ARHGAP42: variants seen among roughly 807,000 people sequenced by gnomAD.
ARHGAP42 encodes rho GTPase-activating protein 42.
A neutral mutation model predicts 125.0 loss-of-function variants in ARHGAP42; 63 were observed. The ratio of observed to expected loss-of-function variants is 0.50; its 90% confidence interval spans 0.41 to 0.62. The LOEUF (loss-of-function observed/expected upper bound fraction) is 0.62, where lower values mean the gene tolerates loss of function less well. Ranked by LOEUF, ARHGAP42 falls within the 20% of genes least tolerant of loss-of-function variation. ARHGAP42 has a pLI of 0.00. For synonymous variants in ARHGAP42, 339 were observed against 351.0 expected (o/e 0.97, Z 0.38); for missense variants, 766 against 1,024.2 (o/e 0.75, Z 3.44).
At chr11:100,755,141 G>A (rs1038826966) in intron 1 of ARHGAP42, among the ~76,000 whole-genome samples, 2 of 152,192 alleles carry the variant, frequency 1.3e-5, no homozygotes, top group African/African-American at 4.8e-5. Flanking sequence ...ATATGCTACG[G>A]GTTAGTGATA....
chr11:100,984,856 TA>T (rs1858634380), intron 22 of ARHGAP42, among the ~76,000 whole-genome samples: 1 of 151,954 alleles, frequency 6.6e-6, no homozygotes, highest in Non-Finnish European at 1.5e-5. Context: ...ACCAAGACAG[TA>T]AAAGAGGAAG....
intron 1 of ARHGAP42, among the ~76,000 whole-genome samples, chr11:100,691,658 G>A (rs867208134): frequency 6.6e-6 from 1 of 152,116 alleles, no homozygotes; most frequent in Non-Finnish European, 1.5e-5. Flanking sequence ...TGGGACCATA[G>A]GAATGCACCA....
chr11:100,987,319 A>T (rs1357981029), intron 22 of ARHGAP42, among the ~76,000 whole-genome samples, 194 bp from the exon 23 acceptor site: 2 of 152,336 alleles, frequency 1.3e-5, no homozygotes, highest in East Asian at 3.9e-4. Flanking sequence ...GTGTGCTAGT[A>T]ATCCTTGATT....
intron 3 of ARHGAP42, among the ~76,000 whole-genome samples, chr11:100,814,282 G>A (rs1204219217): frequency 6.6e-6 from 1 of 151,236 alleles, no homozygotes; most frequent in Non-Finnish European, 1.5e-5. Flanking sequence ...ACTTGAATCT[G>A]GGAGGCAGAG....
intron 1 of ARHGAP42, chr11:100,738,549 A>C (rs1862114648): frequency 6.6e-6 from 1 of 152,224 alleles, no homozygotes; most frequent in Non-Finnish European, 1.5e-5. Flanking sequence ...TTGCAATTCC[A>C]TCAAAGCAGT....
chr11:100,777,525 G>A (rs1454223186), intron 2 of ARHGAP42, among the ~76,000 whole-genome samples: 2 of 152,172 alleles, frequency 1.3e-5, no homozygotes, highest in African/African-American at 4.8e-5. Context: ...AAATGGAAAG[G>A]TAATATTTGA....
intron 6 of ARHGAP42, among the ~76,000 whole-genome samples, chr11:100,925,504 G>A (rs1867394946): frequency 6.6e-6 from 1 of 151,852 alleles, no homozygotes; most frequent in Admixed American, 6.6e-5. Context: ...TTGGGAGGCT[G>A]AGGCAGGCAA....
At chr11:100,869,568 G>A (rs1347008489) in intron 4 of ARHGAP42, among the ~76,000 whole-genome samples, 1 of 152,068 alleles carries the variant, frequency 6.6e-6, no homozygotes, top group African/African-American at 2.4e-5. Context: ...ATGTTTCCAT[G>A]CCAGTCAATG....
At chr11:100,769,683 C>G (rs557703288) in intron 1 of ARHGAP42, among the ~76,000 whole-genome samples, 2 of 143,896 alleles carry the variant, frequency 1.4e-5, no homozygotes, top group African/African-American at 2.6e-5. Flanking sequence ...GCTTTTTTCC[C>G]GTCACCAGCA....
At chr11:100,974,350 T>C (rs780338911) in intron 18 of ARHGAP42, 109 bp from the exon 19 acceptor site, 1 of 997,740 alleles carries the variant, frequency 1.0e-6, no homozygotes, top group Non-Finnish European at 1.4e-6. Flanking sequence ...TGCTCTAGGA[T>C]ACTTATATTT....
At chr11:100,709,905 A>G (rs367897430) in intron 1 of ARHGAP42, among the ~76,000 whole-genome samples, 3 of 152,298 alleles carry the variant, frequency 2.0e-5, no homozygotes, top group South Asian at 2.1e-4. Context: ...CCTGCCTAAA[A>G]TCTGCATCCA....
chr11:100,990,757 C>G lies in ARHGAP42; in HGVS notation c.*1956C>G, dbSNP rs1858811422. The G allele has an allele frequency of 6.6e-6, 1 of 152,476 alleles. No homozygotes were observed. Among genetic ancestry groups the G allele is most frequent in the Non-Finnish European group, 1.5e-5 (1 of 68,002 alleles). 9.4% of individuals were successfully genotyped at this position (152,476 alleles called of 1,614,324 possible). A position where few individuals can be genotyped will look rare whatever the true frequency, so the allele number is the denominator to read the frequency against. On this transcript the variant is annotated 3_prime_UTR_variant, in exon 24 of 24. Coordinates refer to ENST00000298815, the MANE Select transcript of ARHGAP42 (RefSeq NM_152432.4). The stretch of plus-strand genomic sequence containing the variant: ...CCAGTCCCTTAGTCTATACAGCACC[C>G]TTGGTTTAAGCACACTTGCCATCAT...
chr11:100,970,991 G>A (rs1191660189), intron 17 of ARHGAP42, among the ~76,000 whole-genome samples: 1 of 152,004 alleles, frequency 6.6e-6, no homozygotes, highest in Non-Finnish European at 1.5e-5. Flanking sequence ...ATGAGATACT[G>A]CATCACTTGA....
intron 1 of ARHGAP42, among the ~76,000 whole-genome samples, chr11:100,739,181 G>C (rs1367309611): frequency 6.6e-6 from 1 of 151,690 alleles, no homozygotes; most frequent in Non-Finnish European, 1.5e-5. Context: ...AAATGAAGCA[G>C]TTTTGAGATT....
chr11:100,986,257 C>T (rs544879692), intron 22 of ARHGAP42: 92 of 349,044 alleles, frequency 2.6e-4, no homozygotes, highest in South Asian at 1.1e-3. Context: ...GCCTGACCTT[C>T]AGCAAAGTTC....
chr11:100,905,602 T>A (rs1866708206), intron 4 of ARHGAP42, among the ~76,000 whole-genome samples: 1 of 152,196 alleles, frequency 6.6e-6, no homozygotes, highest in South Asian at 2.1e-4. Context: ...TTGCCTAATT[T>A]TTTGTTTCTT....
Position 100,882,302 on chromosome 11 carries a change from AG to A in ARHGAP42, c.384+22681del, listed in dbSNP as rs549369911. 1.3e-3 allele frequency among the ~76,000 whole-genome samples: 198 copies of A among 152,272 alleles called. 2 individuals are homozygous for A. The highest frequency in any genetic ancestry group is 4.3e-3 in the African/African-American group (178 of 41,564). ...ATTTTGCTGAGAGTTTTAATCATAAAGGGGTGCTGGATTTTGTTGAATGGTT... is the reference window on the plus strand; with the variant it reads ...ATTTTGCTGAGAGTTTTAATCATAAAGGGTGCTGGATTTTGTTGAATGGTT... On this transcript the variant is annotated intron_variant, in intron 4 of 23. Transcript: ENST00000298815.
At chr11:100,965,189 T>G (rs2135305517) in intron 16 of ARHGAP42, among the ~76,000 whole-genome samples, 1 of 152,190 alleles carries the variant, frequency 6.6e-6, no homozygotes, top group African/African-American at 2.4e-5. Context: ...CACCTCCCAC[T>G]GGGTCCCTCC....
intron 1 of ARHGAP42, among the ~76,000 whole-genome samples, chr11:100,766,219 T>TG (rs761433473): frequency 8.6e-6 from 1 of 116,588 alleles, no homozygotes; most frequent in East Asian, 2.2e-4. Flanking sequence ...GGGAAGGATG[T>TG]GGGGTGTGTG....
Sources: gnomAD v4.1 joint callset for allele counts (sites outside exome capture counted in the v4.1 genomes callset) on GRCh38, gnomAD v4.1.1 for gene constraint, MANE v1.5 for transcripts, NCBI Gene and HGNC (gene_info 2026-07-23, HGNC 2026-07-21) for gene names.